EXD3: variants seen among roughly 807,000 people sequenced by gnomAD.
The protein encoded by EXD3 is exonuclease mut-7 homolog.
EXD3 carries 92 observed loss-of-function variants against 98.0 expected under a neutral mutation model. The observed-to-expected ratio is 0.94, with a 90% confidence interval of 0.79 to 1.12. The LOEUF is 1.12. Among genes scored for constraint, EXD3 ranks in the 50% most tolerant of loss-of-function variants. The pLI is 0.00. For missense variants in EXD3, 1,222 were observed against 1,191.6 expected (o/e 1.03, Z -0.38); for synonymous variants, 569 against 526.0 (o/e 1.08, Z -1.12).
chr9:137,326,078 CAAAA>C (rs796346556), intron 17 of EXD3, among the ~76,000 whole-genome samples: 8 of 95,498 alleles, frequency 8.4e-5, no homozygotes, highest in Admixed American at 2.1e-4. Context: ...GAACCTGTCT[CAAAA>C]AAAAAAAAAA....
At chr9:137,401,454 C>A (rs949318261) in intron 1 of EXD3, among the ~76,000 whole-genome samples, 2 of 152,038 alleles carry the variant, frequency 1.3e-5, no homozygotes, top group African/African-American at 4.8e-5. Flanking sequence ...CGTGCCCGGC[C>A]CCCACCCATT....
In EXD3 at chr9:137,351,952, G is replaced by A. The variant is rs1588324041; in HGVS notation, c.1173+114C>T. 1.2e-5 allele frequency: 16 copies of A among 1,361,828 alleles called. 1 individual carries two copies. The South Asian group carries it at 1.9e-4, about 16-fold the overall frequency. The allele number at this position is 1,361,828 out of a possible 1,614,324, so 84.4% of individuals were successfully genotyped here. On this transcript the variant is annotated intron_variant, in intron 12 of 21. Transcript: ENST00000340951. ...TCACAGCAGCCCTGGGGCACCTGGCGGGCTCATGCCCAGAGGCCTTGCCTC... is the reference window on the plus strand; with the variant it reads ...TCACAGCAGCCCTGGGGCACCTGGCAGGCTCATGCCCAGAGGCCTTGCCTC...
At chr9:137,331,289 G>C (rs1014873537) in intron 17 of EXD3, among the ~76,000 whole-genome samples, 3 of 152,022 alleles carry the variant, frequency 2.0e-5, no homozygotes, top group African/African-American at 7.2e-5. Flanking sequence ...CAAACCCGCA[G>C]CCAACATCAT....
intron 17 of EXD3, among the ~76,000 whole-genome samples, chr9:137,329,176 A>G (rs1353883497): frequency 3.0e-4 from 1 of 3,358 alleles, no homozygotes; most frequent in Non-Finnish European, 4.2e-4. Context: ...GCTACACGGG[A>G]GCTACACGGG....
At chr9:137,382,857 C>T (rs993871928) in intron 3 of EXD3, among the ~76,000 whole-genome samples, 5 of 152,178 alleles carry the variant, frequency 3.3e-5, no homozygotes, top group Non-Finnish European at 5.9e-5. Flanking sequence ...GGGGCCGGCC[C>T]TCCCTCTGTA....
rs574431173 is a variant in EXD3, at chr9:137,347,093, C to T, written c.1998+978G>A. Among the ~76,000 whole-genome samples, 22 of 152,302 alleles carry T rather than the reference C, an allele frequency of 1.4e-4. No individual in the cohort carries two copies. The highest frequency in any genetic ancestry group is 5.9e-4 in the Admixed American group (9 of 15,296). ...CCTCCCAGAGTGCAGGGATTACAGG[C>T]GTGAGCACCCAGCCTCCATGTCATT... is the stretch of plus-strand genomic sequence containing the variant. On this transcript the variant is annotated intron_variant, in intron 17 of 21. Coordinates refer to ENST00000340951, the MANE Select transcript of EXD3 (RefSeq NM_017820.5). This position sits in a 1 kb window ranked among gnomAD's most constrained non-coding sequence, Gnocchi z 4.2.
intron 19 of EXD3, among the ~76,000 whole-genome samples, chr9:137,321,262 C>T (rs1277740372): frequency 1.3e-5 from 2 of 152,190 alleles, no homozygotes; most frequent in Non-Finnish European, 1.5e-5. Flanking sequence ...AGGTGGGTGC[C>T]CTTGAGGACC....
At chr9:137,391,320 CGAGGA>C (rs1564202071) in intron 2 of EXD3, among the ~76,000 whole-genome samples, 6 of 152,226 alleles carry the variant, frequency 3.9e-5, no homozygotes, top group African/African-American at 1.4e-4. Context: ...GGGCGGGTGC[CGAGGA>C]ACCCGTCTGG....
chr9:137,414,921 T>C (rs1014833923), intron 1 of EXD3, among the ~76,000 whole-genome samples: 1 of 152,116 alleles, frequency 6.6e-6, no homozygotes, highest in Non-Finnish European at 1.5e-5. Context: ...GGAATCTCAC[T>C]TTGTCGCCCA....
intron 7 of EXD3, chr9:137,365,788 C>G: frequency 3.0e-6 from 1 of 330,920 alleles, no homozygotes; most frequent in Non-Finnish European, 5.9e-6. Flanking sequence ...AACACACGTA[C>G]ACCTGCAGGC....
intron 2 of EXD3, among the ~76,000 whole-genome samples, chr9:137,391,320 C>T (rs1564202068): frequency 6.6e-6 from 1 of 152,226 alleles, no homozygotes; most frequent in East Asian, 1.9e-4. Flanking sequence ...GGGCGGGTGC[C>T]GAGGAACCCG....
intron 3 of EXD3, among the ~76,000 whole-genome samples, chr9:137,380,556 CTCTGGG>C: frequency 5.9e-5 from 1 of 17,044 alleles, no homozygotes. Flanking sequence ...AGTATCCCCC[CTCTGGG>C]CATCCCCCCC....
intron 19 of EXD3, among the ~76,000 whole-genome samples, chr9:137,311,634 G>T (rs1316534774): frequency 6.6e-6 from 1 of 152,186 alleles, no homozygotes; most frequent in Non-Finnish European, 1.5e-5. Context: ...GTTTTCCCAC[G>T]GCTGCTGCCC....
chr9:137,368,394 G>A (rs927138564), intron 5 of EXD3, among the ~76,000 whole-genome samples: 1 of 152,204 alleles, frequency 6.6e-6, no homozygotes, highest in African/African-American at 2.4e-5. Context: ...GAACACAATG[G>A]TGCCTGCAGT....
In EXD3 at chr9:137,352,708, C is replaced by T. The variant is rs768698568; in HGVS notation, c.949G>A (p.Ala317Thr). 27 of 1,566,600 alleles carry T rather than the reference C, an allele frequency of 1.7e-5. No individual in the cohort carries two copies. Among genetic ancestry groups the T allele is most frequent in the Middle Eastern group, 1.7e-4 (1 of 5,980 alleles). ...LVSHSDPVTA[A>T]QCAMELLLPE... The stretch of plus-strand genomic sequence containing the variant: ...AGCAAGAGTTCCATGGCACACTGGG[C>T]GGCCGTGACTGGGTCACTGTGGGAG... The change falls in exon 11 of 22, where the codon GCC becomes ACC. Residue 317 changes from alanine (A) to threonine (T), a missense_variant. Ala to Thr is a moderately conservative substitution (Grantham distance 58). Transcript: ENST00000340951.
At position 137,354,521 on chromosome 9, in the gene EXD3, C is replaced by T. The variant is rs1834505900; in HGVS notation, c.832-144G>A. The T allele has an allele frequency of 2.6e-6, 4 of 1,538,442 alleles. No individual in the cohort carries two copies. In the South Asian group the frequency reaches 3.6e-5, roughly 14 times the overall value. On this transcript the variant is annotated intron_variant, in intron 9 of 21. Coordinates refer to ENST00000340951, the MANE Select transcript of EXD3 (RefSeq NM_017820.5). The stretch of plus-strand genomic sequence containing the variant: ...CCCGCCCTGGTGCCACAGCCCAGAG[C>T]CAGGGCCCCATGGCCTCCCCTTCAC...
In EXD3 at chr9:137,307,249, C is replaced by A. The variant is rs751950815; in HGVS notation, c.2332G>T (p.Ala778Ser). The change falls in exon 22 of 22, where the codon GCA (alanine) becomes TCA (serine). Residue 778 changes from alanine (A) to serine (S), a missense_variant. Physicochemically the swap from Ala to Ser is moderately conservative, Grantham distance 99. Transcript: ENST00000340951. ...AVQEPGPAPD[A>S]APEGCTYDRP... ...TCATAGGTGCAGCCCTCAGGGGCTG[C>A]GTCTGGGGCTGGGCCTGGACAGATA... is the stretch of plus-strand genomic sequence containing the variant. 2 of 1,542,632 alleles carry A rather than the reference C, an allele frequency of 1.3e-6. No homozygotes were observed. The highest frequency in any genetic ancestry group is 2.4e-5 in the East Asian group (1 of 42,134).
intron 17 of EXD3, among the ~76,000 whole-genome samples, chr9:137,328,482 A>C (rs1832620760): frequency 6.6e-6 from 1 of 151,888 alleles, no homozygotes; most frequent in Non-Finnish European, 1.5e-5. Context: ...ATGAGTAAAA[A>C]CAAAAGTAAA....
At chr9:137,365,349 G>C (rs1835170604) in intron 7 of EXD3, 1 of 152,596 alleles carries the variant, frequency 6.6e-6, no homozygotes, top group African/African-American at 2.4e-5. Context: ...GGCTGTGTGG[G>C]GAATGGAGGC....
Sources: allele counts gnomAD v4.1 joint callset (sites outside exome capture counted in the v4.1 genomes callset), GRCh38; gene constraint gnomAD v4.1.1; non-coding constraint Gnocchi (gnomAD v3.1); transcripts MANE v1.5; gene names NCBI Gene and HGNC (gene_info 2026-07-23, HGNC 2026-07-21).